The following TRPC5 variants were observed in gnomAD, a reference collection of about 807,000 sequenced individuals.
TRPC5 encodes the protein transient receptor potential cation channel subfamily C member 5, also known as short transient receptor potential channel 5.
In TRPC5, 9 loss-of-function variants were observed where a neutral mutation model predicts 56.5. That is an observed-to-expected ratio of 0.16 (90% CI 0.10 to 0.28). The LOEUF (loss-of-function observed/expected upper bound fraction) is 0.28. Ranked by LOEUF, TRPC5 falls within the 10% of genes least tolerant of loss-of-function variation. The pLI is 1.00. For missense variants in TRPC5, 469 were observed against 748.9 expected (o/e 0.63, Z 4.36); for synonymous variants, 282 against 278.5 (o/e 1.01, Z -0.13).
At chrX:111,872,474 A>T (rs1021044653) in intron 3 of TRPC5, among the ~76,000 whole-genome samples, 6 of 112,144 alleles carry the variant, frequency 5.4e-5, no homozygotes, top group Admixed American at 3.8e-4. Flanking sequence ...AGAGTGAACA[A>T]ACTGAATTGT....
intron 3 of TRPC5, among the ~76,000 whole-genome samples, chrX:111,897,483 C>T (rs116763278): frequency 0.17 from 18,473 of 110,601 alleles, 2,813 homozygotes; most frequent in African/African-American, 0.49. Context: ...CACAACCGTA[C>T]CTAAACATGA....
intron 2 of TRPC5, among the ~76,000 whole-genome samples, chrX:111,946,875 A>G (rs1926945804): frequency 8.9e-6 from 1 of 112,372 alleles, no homozygotes. Flanking sequence ...TGTCAAGTGA[A>G]GGGAAAAGCC....
intron 2 of TRPC5, chrX:111,930,607 A>T (rs1032555767): frequency 9.0e-6 from 1 of 111,022 alleles, no homozygotes; most frequent in Non-Finnish European, 1.9e-5. Flanking sequence ...TCTTTAAAAA[A>T]AATAATAAAA....
chrX:111,901,074 C>A (rs1925320318), intron 3 of TRPC5, among the ~76,000 whole-genome samples: 1 of 111,316 alleles, frequency 9.0e-6, no homozygotes, highest in Admixed American at 9.6e-5. Flanking sequence ...AGTTTTATAA[C>A]TGAAATTCTC....
chrX:111,792,332 C>A (rs1946028986), intron 7 of TRPC5, among the ~76,000 whole-genome samples: 1 of 110,465 alleles, frequency 9.1e-6, no homozygotes. Context: ...GGAGGGAGAG[C>A]ATTAGGACAA....
At chrX:111,847,467 G>T in intron 5 of TRPC5, 31 bp from the exon 6 acceptor site, 2 of 1,145,025 alleles carry the variant, frequency 1.7e-6, no homozygotes, top group Admixed American at 4.8e-5. Context: ...ACAAGATGAG[G>T]GGTACAGTGA....
At chrX:111,929,125 T>C (rs183168538) in intron 2 of TRPC5, among the ~76,000 whole-genome samples, 1 of 112,226 alleles carries the variant, frequency 8.9e-6, no homozygotes, top group Non-Finnish European at 1.9e-5. Context: ...AAGGAAATAG[T>C]GCACTCAGCT....
intron 1 of TRPC5, among the ~76,000 whole-genome samples, chrX:112,069,177 G>A (rs1296249792): frequency 8.9e-6 from 1 of 111,917 alleles, no homozygotes; most frequent in African/African-American, 3.3e-5. Context: ...ATTATCCTTA[G>A]TTTATGAATG....
intron 1 of TRPC5, among the ~76,000 whole-genome samples, chrX:112,035,064 ATTTGAAGTTTTCCTTTTTTTT>A (rs1929694648): frequency 1.1e-5 from 1 of 93,930 alleles, no homozygotes; most frequent in Non-Finnish European, 2.1e-5. Context: ...GACGCTGTTG[ATTTGAAGTTTTCCTTTTTTTT>A]TTTTAAAAAA....
chrX:112,077,110 C>T (rs1930852813), intron 1 of TRPC5, among the ~76,000 whole-genome samples: 1 of 111,563 alleles, frequency 9.0e-6, no homozygotes, highest in Non-Finnish European at 1.9e-5. Flanking sequence ...TTATTAATCC[C>T]ATTTTATAGA....
chrX:111,771,662 A>G lies in TRPC5; in HGVS notation c.*4651T>C, dbSNP rs1055298758. 4.5e-5 allele frequency among the ~76,000 whole-genome samples: 5 copies of G among 111,851 alleles called. No individual in the cohort carries two copies. Among genetic ancestry groups the G allele is most frequent in the Non-Finnish European group, 9.4e-5 (5 of 53,187 alleles). ...CATATGAATGAATATTAACACCTCA[A>G]GTATGCACCAAATCTCAGGTATACA... is the stretch of plus-strand genomic sequence containing the variant. On this transcript the variant is annotated 3_prime_UTR_variant, in exon 11 of 11. Coordinates refer to ENST00000262839, the MANE Select transcript of TRPC5 (RefSeq NM_012471.3).
At position 111,880,072 on chromosome X, in the gene TRPC5, A is replaced by G. The variant is rs1402611590; in HGVS notation, c.901-25966T>C. On this transcript the variant is annotated intron_variant, in intron 3 of 10. Transcript: ENST00000262839. ...TTCATATTTTTAAAATGAAGATTAT[A>G]TTCATTTGTTGCTGCTTTTTTTTTT... is the stretch of plus-strand genomic sequence containing the variant. Among the ~76,000 whole-genome samples, 3 of 109,714 alleles carry G rather than the reference A, an allele frequency of 2.7e-5. No individual in the cohort carries two copies. The East Asian group carries it at 8.5e-4, about 31-fold the overall frequency.
intron 3 of TRPC5, among the ~76,000 whole-genome samples, chrX:111,867,723 T>C (rs183158019): frequency 8.9e-6 from 1 of 112,053 alleles, no homozygotes; most frequent in East Asian, 2.8e-4. Flanking sequence ...CTGCTAAAAT[T>C]TACACCTGAA....
At chrX:111,932,570 G>C (rs777443225) in intron 2 of TRPC5, among the ~76,000 whole-genome samples, 6 of 110,743 alleles carry the variant, frequency 5.4e-5, no homozygotes, top group East Asian at 2.8e-4. Context: ...GTAATCAGTG[G>C]ACCTGGCCCT....
At position 111,965,044 on chromosome X, in the gene TRPC5, G is replaced by A. The variant is rs768003883; in HGVS notation, c.-21-12603C>T. On this transcript the variant is annotated intron_variant, in intron 1 of 10. Coordinates refer to ENST00000262839, the MANE Select transcript of TRPC5 (RefSeq NM_012471.3). ...CACAAACTGGCAAATTGGATAAAGA[G>A]TCAAGACCCATCAGCGTGCTGTATT... Among the ~76,000 whole-genome samples the A allele has an allele frequency of 3.6e-5, 4 of 111,890 alleles. No individual in the cohort carries two copies. The South Asian group carries it at 1.1e-3, about 32-fold the overall frequency.
At chrX:112,040,488 A>T (rs1359067483) in intron 1 of TRPC5, among the ~76,000 whole-genome samples, 1 of 111,850 alleles carries the variant, frequency 8.9e-6, no homozygotes, top group Non-Finnish European at 1.9e-5. Flanking sequence ...TGTCACACAT[A>T]GGGAAGTTCA....
intron 1 of TRPC5, among the ~76,000 whole-genome samples, chrX:111,967,160 T>C (rs747080913): frequency 2.7e-5 from 3 of 111,520 alleles, no homozygotes; most frequent in African/African-American, 9.8e-5. Context: ...TGTACAAAAA[T>C]CACAAGCATT....
Position 111,773,321 on chromosome X carries a change from CT to C in TRPC5, c.*2991del, listed in dbSNP as rs1250844955. ...CTTTCTAATATAATTCAAATATTTTCTTTGTAATTTTTACCTTTATTATTAG... is the reference window on the plus strand; with the variant it reads ...CTTTCTAATATAATTCAAATATTTTCTTGTAATTTTTACCTTTATTATTAG... On this transcript the variant is annotated 3_prime_UTR_variant, in exon 11 of 11. Coordinates refer to ENST00000262839, the MANE Select transcript of TRPC5 (RefSeq NM_012471.3). 2.7e-5 allele frequency among the ~76,000 whole-genome samples: 3 copies of C among 111,961 alleles called. No homozygotes were observed. The highest frequency in any genetic ancestry group is 5.6e-5 in the Non-Finnish European group (3 of 53,158).
At chrX:111,898,105 A>G (rs1285086648) in intron 3 of TRPC5, among the ~76,000 whole-genome samples, 1 of 109,253 alleles carries the variant, frequency 9.2e-6, no homozygotes, top group African/African-American at 3.3e-5. Flanking sequence ...TCTTAGTGTG[A>G]TGTCAATTTG....
Sources: allele counts gnomAD v4.1 joint callset (sites outside exome capture counted in the v4.1 genomes callset), GRCh38; gene constraint gnomAD v4.1.1; transcripts MANE v1.5; gene names NCBI Gene and HGNC (gene_info 2026-07-23, HGNC 2026-07-21).